The following SLC36A3 variants were observed in gnomAD, a reference collection of about 807,000 sequenced individuals.
SLC36A3 encodes the protein proton-coupled amino acid transporter 3.
In SLC36A3, 35 loss-of-function variants were observed where a neutral mutation model predicts 44.3. The ratio of observed to expected loss-of-function variants is 0.79; its 90% CI spans 0.60 to 1.05. The LOEUF (loss-of-function observed/expected upper bound fraction) is 1.05, where lower values mean the gene tolerates loss of function less well. Ranked by LOEUF, SLC36A3 falls within the 50% of genes least tolerant of loss-of-function variation. The pLI is 0.00. For synonymous variants in SLC36A3, 211 were observed against 227.6 expected (o/e 0.93, Z 0.66); for missense variants, 540 against 578.7 (o/e 0.93, Z 0.69).
At position 151,296,402 on chromosome 5, in the gene SLC36A3, C is replaced by T. The variant is rs182916801; in HGVS notation, c.220-134G>A. ...GGGGTGACAGACCCAGCCTGAATGT[C>T]CTCATGCTCCCAGATGCTAGAATTT... is the stretch of plus-strand genomic sequence containing the variant. On this transcript the variant is annotated intron_variant, in intron 2 of 9. Coordinates refer to ENST00000335230, the MANE Select transcript of SLC36A3 (RefSeq NM_181774.4). 2.7e-4 allele frequency: 188 copies of T among 704,264 alleles called. 1 individual carries two copies. The African/African-American group carries it at 3.1e-3, about 12-fold the overall frequency. The allele number at this position is 704,264 out of a possible 1,614,324, so 43.6% of individuals were successfully genotyped here. A position where few individuals can be genotyped will look rare whatever the true frequency, so the allele number is the denominator to read the frequency against.
chr5:151,285,506 T>C (rs939296655), intron 6 of SLC36A3, among the ~76,000 whole-genome samples: 7 of 152,218 alleles, frequency 4.6e-5, no homozygotes, highest in Non-Finnish European at 7.3e-5. Flanking sequence ...CACTAGTTAG[T>C]ATAGCAGCTC....
At position 151,299,254 on chromosome 5, in the gene SLC36A3, CTCTCTCTCTCTATATATA is replaced by C. The variant is rs1221628552; in HGVS notation, c.129-589_129-572del. 3.2e-3 allele frequency among the ~76,000 whole-genome samples: 280 copies of C among 87,140 alleles called. 1 individual carries two copies. Among genetic ancestry groups the C allele is most frequent in the East Asian group, 0.014 (33 of 2,278 alleles). 57.2% of individuals were successfully genotyped at this position (87,140 alleles called of 152,430 possible). On this transcript the variant is annotated intron_variant, in intron 1 of 9. Coordinates refer to ENST00000335230, the MANE Select transcript of SLC36A3 (RefSeq NM_181774.4). ...TCTCTCTCTCTCTCTCTCTCTCTCT[CTCTCTCTCTCTATATATA>C]TATATATATATATATATATGAAATG...
chr5:151,285,661 A>G (rs1488062707), intron 6 of SLC36A3, among the ~76,000 whole-genome samples: 2 of 152,108 alleles, frequency 1.3e-5, no homozygotes, highest in Non-Finnish European at 2.9e-5. Context: ...TTTAGATGGG[A>G]TTAAGGTTTC....
chr5:151,302,272 G>A (rs1035380983), intron 1 of SLC36A3, among the ~76,000 whole-genome samples: 3 of 152,156 alleles, frequency 2.0e-5, no homozygotes. Flanking sequence ...ATGAGAGAGG[G>A]CATTTCCTGA....
Position 151,298,673 on chromosome 5 carries a change from T to G in SLC36A3, c.139A>C (p.Thr47Pro). 6.2e-7 allele frequency: 1 copy of G among 1,613,994 alleles called. No homozygotes were observed. The highest frequency in any genetic ancestry group is 1.7e-5 in the Admixed American group (1 of 59,988). ...AGEAGLSMMQTLIHLLKCNIG... is the reference protein window; with the variant it reads ...AGEAGLSMMQPLIHLLKCNIG... ...TTGCATTTCAACAAGTGGATCAAAGTTTGCATCATCCTGTGGTGGGGAGAG... is the reference window on the plus strand; with the variant it reads ...TTGCATTTCAACAAGTGGATCAAAGGTTGCATCATCCTGTGGTGGGGAGAG... Residue 47 changes from threonine (T) to proline (P), a missense_variant, in exon 2 of 10, where the codon ACT becomes CCT. Thr to Pro is a conservative substitution (Grantham distance 38). Coordinates refer to ENST00000335230, the MANE Select transcript of SLC36A3 (RefSeq NM_181774.4).
chr5:151,303,246 C>A lies in SLC36A3; in HGVS notation c.109G>T (p.Ala37Ser), dbSNP rs766031383. 1.2e-6 allele frequency: 2 copies of A among 1,613,610 alleles called. No individual in the cohort carries two copies. Residue 37 changes from alanine (A) to serine (S), a missense_variant, in exon 1 of 10, where the codon GCT becomes TCT. Ala to Ser is a moderately conservative substitution (Grantham distance 99, BLOSUM62 1). Transcript: ENST00000335230. ...ACTTACGATAGTCCAGCTTCTCCAG[C>A]AGGATGGACATTCTCTGAAGTAATG... The part of the protein sequence containing the change: ...SSITSENVHP[A>S]GEAGLSMMQT...
At chr5:151,284,965 G>C (rs1044669695) in intron 6 of SLC36A3, among the ~76,000 whole-genome samples, 4 of 152,148 alleles carry the variant, frequency 2.6e-5, no homozygotes, top group African/African-American at 7.2e-5. Context: ...TCACGTTGTT[G>C]TGTATCCATC....
intron 9 of SLC36A3, among the ~76,000 whole-genome samples, chr5:151,279,469 G>A (rs1008286618): frequency 1.3e-5 from 2 of 152,178 alleles, no homozygotes; most frequent in Non-Finnish European, 2.9e-5. Flanking sequence ...TGAATAAAGG[G>A]TAAAGGGTAA....
intron 6 of SLC36A3, among the ~76,000 whole-genome samples, chr5:151,287,034 T>TGATGATGATGAGGATGTTGATGAC (rs1754560979): frequency 6.6e-6 from 1 of 152,048 alleles, no homozygotes; most frequent in African/African-American, 2.4e-5. Flanking sequence ...ACGATGATGA[T>TGATGATGATGAGGATGTTGATGAC]GATGATGAGG....
At chr5:151,278,541 T>A (rs974821976) in intron 9 of SLC36A3, among the ~76,000 whole-genome samples, 5 of 152,216 alleles carry the variant, frequency 3.3e-5, no homozygotes, top group Admixed American at 3.3e-4. Context: ...ATATAATTAG[T>A]AAAGATCAAA....
At chr5:151,284,825 T>C (rs1754473181) in intron 6 of SLC36A3, 114 bp from the exon 7 acceptor site, 1 of 594,336 alleles carries the variant, frequency 1.7e-6, no homozygotes, top group African/African-American at 1.8e-5. Context: ...AATCAGAAGA[T>C]ACCTAGACCT....
At chr5:151,299,372 GATAT>G (rs3051898) in intron 1 of SLC36A3, among the ~76,000 whole-genome samples, 59,132 of 136,410 alleles carry the variant, frequency 0.43, 13,524 homozygotes, top group African/African-American at 0.6. Context: ...TGAGCATGGT[GATAT>G]ATATATATAT....
chr5:151,297,354 T>G (rs989015832), intron 2 of SLC36A3: 2 of 152,232 alleles, frequency 1.3e-5, no homozygotes, highest in Non-Finnish European at 2.9e-5. Flanking sequence ...GTAGAAGCTC[T>G]AGAACCCAGA....
At chr5:151,291,050 A>G (rs1754744344) in intron 4 of SLC36A3, among the ~76,000 whole-genome samples, 1 of 151,122 alleles carries the variant, frequency 6.6e-6, no homozygotes, top group Admixed American at 6.6e-5. Context: ...TGGTGCAGTC[A>G]TGGCTCACTG....
At position 151,284,594 on chromosome 5, in the gene SLC36A3, T is replaced by G; in HGVS notation, c.807+19A>C. The G allele has an allele frequency of 6.3e-7, 1 of 1,591,550 alleles. No homozygotes were observed. Among genetic ancestry groups the G allele is most frequent in the Non-Finnish European group, 8.6e-7 (1 of 1,164,604 alleles). On this transcript the variant is annotated intron_variant, in intron 7 of 9. Transcript: ENST00000335230. ...TAGAGGGCGCTAGGGACCATTCGCGTGAACCCCATCAATCTTACCATACCG... is the reference window on the plus strand; with the variant it reads ...TAGAGGGCGCTAGGGACCATTCGCGGGAACCCCATCAATCTTACCATACCG...
Position 151,277,298 on chromosome 5 carries a change from A to C in SLC36A3, c.*95T>G. On this transcript the variant is annotated 3_prime_UTR_variant, in exon 10 of 10. Coordinates refer to ENST00000335230, the MANE Select transcript of SLC36A3 (RefSeq NM_181774.4). Reference sequence around the variant, plus strand: ...AGATAAAGACGCCACTAATTAATATAGAGATGTTGGGATTTGATGAAGGTA... The same window carrying C: ...AGATAAAGACGCCACTAATTAATATCGAGATGTTGGGATTTGATGAAGGTA... 3.8e-5 allele frequency: 56 copies of C among 1,462,642 alleles called. No homozygotes were observed. The highest frequency in any genetic ancestry group is 4.9e-5 in the Non-Finnish European group (52 of 1,070,020). The allele number at this position is 1,462,642 out of a possible 1,614,324, so 90.6% of individuals were successfully genotyped here. A position where few individuals can be genotyped will look rare whatever the true frequency, so the allele number is the denominator to read the frequency against.
chr5:151,299,315 G>T (rs1210953120), intron 1 of SLC36A3, among the ~76,000 whole-genome samples: 2 of 141,258 alleles, frequency 1.4e-5, no homozygotes, highest in Admixed American at 7.2e-5. Flanking sequence ...TGTGATGCTA[G>T]GGAGTGGGGA....
At chr5:151,302,727 A>T (rs1236887554) in intron 1 of SLC36A3, among the ~76,000 whole-genome samples, 3 of 152,140 alleles carry the variant, frequency 2.0e-5, no homozygotes, top group Non-Finnish European at 4.4e-5. Context: ...GTATCCTGGA[A>T]CTTAAAATTA....
At chr5:151,299,391 ATAT>A (rs773278252) in intron 1 of SLC36A3, among the ~76,000 whole-genome samples, 244 of 129,500 alleles carry the variant, frequency 1.9e-3, no homozygotes, top group African/African-American at 3.4e-3. Flanking sequence ...ATATATATAT[ATAT>A]TATATATATA....
Sources: gnomAD v4.1 joint callset for allele counts (sites outside exome capture counted in the v4.1 genomes callset) on GRCh38, gnomAD v4.1.1 for gene constraint, MANE v1.5 for transcripts, NCBI Gene and HGNC (gene_info 2026-07-23, HGNC 2026-07-21) for gene names.